Variants in PARD3B observed in about 807,000 individuals in gnomAD.
PARD3B encodes par-3 family cell polarity regulator beta.
In PARD3B, 103 loss-of-function variants were observed where a neutral mutation model predicts 130.2. That is an observed-to-expected ratio of 0.79 (90% CI 0.67 to 0.93). PARD3B has a LOEUF of 0.93. Ranked by LOEUF, PARD3B falls within the 40% of genes least tolerant of loss-of-function variation. PARD3B has a pLI of 0.00. For missense variants in PARD3B, 1,609 were observed against 1,499.2 expected (o/e 1.07, Z -1.21); for synonymous variants, 583 against 553.2 (o/e 1.05, Z -0.76).
chr2:205,536,748 C>T (rs2051878465), intron 21 of PARD3B, among the ~76,000 whole-genome samples: 1 of 152,122 alleles, frequency 6.6e-6, no homozygotes, highest in African/African-American at 2.4e-5. Flanking sequence ...ATTTTCCATA[C>T]CAAAACCCAA....
At chr2:205,108,166 C>T (rs1177634456) in intron 5 of PARD3B, among the ~76,000 whole-genome samples, 1 of 152,208 alleles carries the variant, frequency 6.6e-6, no homozygotes, top group South Asian at 2.1e-4. Context: ...GCTCAAGCCT[C>T]TGTTACTCTA....
At chr2:205,295,536 T>C (rs1380202857) in intron 16 of PARD3B, among the ~76,000 whole-genome samples, 1 of 152,246 alleles carries the variant, frequency 6.6e-6, no homozygotes. Flanking sequence ...TAATTTATCA[T>C]AAGTATTTGT....
At chr2:205,129,525 A>G (rs2031792646) in intron 10 of PARD3B, among the ~76,000 whole-genome samples, 1 of 152,182 alleles carries the variant, frequency 6.6e-6, no homozygotes, top group Non-Finnish European at 1.5e-5. Flanking sequence ...TACACACTTG[A>G]CTTTCCATTG....
chr2:205,577,735 T>A (rs534663964), intron 22 of PARD3B, among the ~76,000 whole-genome samples: 1 of 152,308 alleles, frequency 6.6e-6, no homozygotes, highest in East Asian at 1.9e-4. Context: ...GGATCTTCAC[T>A]TAGGTTAACA....
chr2:205,171,482 A>G (rs1403645031), intron 11 of PARD3B, among the ~76,000 whole-genome samples: 3 of 152,214 alleles, frequency 2.0e-5, no homozygotes, highest in Non-Finnish European at 4.4e-5. Flanking sequence ...GTGTATTCAT[A>G]TGCCGAGGTT....
At chr2:204,810,785 C>G (rs528111726) in intron 2 of PARD3B, among the ~76,000 whole-genome samples, 1 of 151,924 alleles carries the variant, frequency 6.6e-6, no homozygotes, top group African/African-American at 2.4e-5. Context: ...GTTGTTGTGT[C>G]TCTGTCAGGT....
At chr2:204,763,891 T>C (rs1342277763) in intron 2 of PARD3B, among the ~76,000 whole-genome samples, 3 of 152,242 alleles carry the variant, frequency 2.0e-5, no homozygotes, top group Non-Finnish European at 2.9e-5. Flanking sequence ...GCTTATAGAA[T>C]AGAGTGAAAT....
intron 15 of PARD3B, among the ~76,000 whole-genome samples, chr2:205,226,875 G>C (rs1293965935): frequency 6.6e-6 from 1 of 152,070 alleles, no homozygotes; most frequent in Non-Finnish European, 1.5e-5. Flanking sequence ...TTTTAGGATT[G>C]TCTTTTTTTC....
intron 19 of PARD3B, among the ~76,000 whole-genome samples, chr2:205,432,535 C>A (rs1451535917): frequency 6.6e-6 from 1 of 152,180 alleles, no homozygotes; most frequent in Non-Finnish European, 1.5e-5. Flanking sequence ...GGCTTTATAT[C>A]TGCTGTCTCT....
chr2:204,660,092 C>T (rs2035754789), intron 1 of PARD3B, among the ~76,000 whole-genome samples: 1 of 152,136 alleles, frequency 6.6e-6, no homozygotes, highest in African/African-American at 2.4e-5. Flanking sequence ...GTTGATAGCT[C>T]TCAGTGAGGC....
chr2:204,587,660 A>G (rs1203905896), intron 1 of PARD3B, among the ~76,000 whole-genome samples: 2 of 152,224 alleles, frequency 1.3e-5, no homozygotes, highest in Admixed American at 6.5e-5. Context: ...CTTTGCTCCA[A>G]GGGAGAAGAG....
At chr2:204,829,274 A>G (rs1370485038) in intron 2 of PARD3B, among the ~76,000 whole-genome samples, 10 of 152,220 alleles carry the variant, frequency 6.6e-5, no homozygotes, top group African/African-American at 2.4e-4. Context: ...GAACTTGCTT[A>G]TTCTTACTGT....
intron 1 of PARD3B, among the ~76,000 whole-genome samples, chr2:204,559,830 C>T (rs2031190921): frequency 6.6e-6 from 1 of 152,170 alleles, no homozygotes; most frequent in Non-Finnish European, 1.5e-5. Flanking sequence ...AGATGTAGCA[C>T]ATATATACCA....
chr2:205,211,723 A>G (rs2037646644), intron 15 of PARD3B, among the ~76,000 whole-genome samples: 2 of 152,118 alleles, frequency 1.3e-5, no homozygotes, highest in South Asian at 4.1e-4. Context: ...GAAAATTAAA[A>G]TAGAGATCAA....
intron 20 of PARD3B, among the ~76,000 whole-genome samples, chr2:205,449,090 C>T (rs1002069324): frequency 3.5e-5 from 5 of 144,708 alleles, no homozygotes; most frequent in Non-Finnish European, 4.5e-5. Flanking sequence ...CACTTGAACC[C>T]GGGAGGCGCA....
Position 205,094,981 on chromosome 2 carries a change from T to C in PARD3B, c.505-9445T>C, listed in dbSNP as rs116198534. 3.7e-3 allele frequency among the ~76,000 whole-genome samples: 566 copies of C among 152,282 alleles called. 6 individuals carry two copies. The highest frequency in any genetic ancestry group is 0.013 in the African/African-American group (526 of 41,584). On this transcript the variant is annotated intron_variant, in intron 4 of 22. Coordinates refer to ENST00000406610, the MANE Select transcript of PARD3B (RefSeq NM_001302769.2). ...TTACAAATGAAGCCCTAGTACCATA[T>C]AAATGTCCATTTTGACAGACCTGGA...
chr2:205,047,475 T>TTA, intron 3 of PARD3B, 106 bp from the exon 4 acceptor site: 1 of 600,554 alleles, frequency 1.7e-6, no homozygotes, highest in Non-Finnish European at 2.9e-6. Context: ...TAGAATGTTT[T>TTA]TACATAAAAG....
intron 2 of PARD3B, among the ~76,000 whole-genome samples, chr2:204,866,552 C>G (rs1210901142): frequency 1.3e-5 from 2 of 151,784 alleles, no homozygotes; most frequent in East Asian, 3.9e-4. Context: ...CAGCCCTGTT[C>G]TGGATTCTGG....
intron 16 of PARD3B, among the ~76,000 whole-genome samples, chr2:205,260,189 A>G (rs1270992453): frequency 6.6e-6 from 1 of 152,146 alleles, no homozygotes; most frequent in Non-Finnish European, 1.5e-5. Flanking sequence ...ACAGTAAAAA[A>G]TAATGTGTTC....
Sources: allele counts gnomAD v4.1 joint callset (sites outside exome capture counted in the v4.1 genomes callset), GRCh38; gene constraint gnomAD v4.1.1; transcripts MANE v1.5; gene names NCBI Gene and HGNC (gene_info 2026-07-23, HGNC 2026-07-21).